The following NHS variants were observed in gnomAD, a reference collection of about 807,000 sequenced individuals.
NHS encodes NHS actin remodeling regulator.
In NHS, 5 loss-of-function variants were observed where a neutral mutation model predicts 72.5. The observed-to-expected ratio is 0.07, with a 90% CI of 0.04 to 0.14. The LOEUF (loss-of-function observed/expected upper bound fraction) is 0.14, where lower values mean the gene tolerates loss of function less well. Ranked by LOEUF, NHS falls within the 10% of genes least tolerant of loss-of-function variation. The probability of loss-of-function intolerance (pLI) is 1.00; values close to 1 mark genes in which losing one functional copy is unlikely to be tolerated. For missense variants in NHS, 1,072 were observed against 1,355.7 expected, an observed-to-expected ratio of 0.79 and a Z score of 3.29; for synonymous variants, 464 against 547.7, an observed-to-expected ratio of 0.85 and a Z score of 2.13.
intron 1 of NHS, among the ~76,000 whole-genome samples, chrX:17,426,703 TC>T (rs2064659156): frequency 8.9e-6 from 1 of 112,122 alleles, no homozygotes; most frequent in Non-Finnish European, 1.9e-5. Flanking sequence ...TCATTTTCTT[TC>T]TGGATCTTGG....
rs769574081 is a variant in NHS, at chrX:17,527,805, C to T, written c.565+151483C>T. 7.2e-5 allele frequency among the ~76,000 whole-genome samples: 8 copies of T among 111,088 alleles called. No homozygotes were observed. In the East Asian group the frequency reaches 2.0e-3, roughly 28 times the overall value. ...ATAAGATATCTGGTAAACTACAAGCCGCTCCCTTTTTAAATAGGCTTCACT... is the reference window on the plus strand; with the variant it reads ...ATAAGATATCTGGTAAACTACAAGCTGCTCCCTTTTTAAATAGGCTTCACT... On this transcript the variant is annotated intron_variant, in intron 1 of 8. Coordinates refer to ENST00000676302, the MANE Select transcript of NHS (RefSeq NM_001291867.2).
chrX:17,566,404 T>C (rs1428958290), intron 1 of NHS, among the ~76,000 whole-genome samples: 1 of 111,897 alleles, frequency 8.9e-6, no homozygotes, highest in Non-Finnish European at 1.9e-5. Context: ...GAACTCACAA[T>C]TCTTTGTGAT....
In NHS at chrX:17,723,741, G is replaced by GTGTGTGTGTGTGTGTGTGTGTA. The variant is rs1569318233; in HGVS notation, c.1109-537_1109-536insATGTGTGTGTGTGTGTGTGTGT. Reference sequence around the variant, plus strand: ...CAGCAAAAGAGGTGTGTGTGTGTGTGTGTGTGTGTGTGTGTGTGTGTGTGT... The same window carrying GTGTGTGTGTGTGTGTGTGTGTA: ...CAGCAAAAGAGGTGTGTGTGTGTGTGTGTGTGTGTGTGTGTGTGTGTATGTGTGTGTGTGTGTGTGTGTGTGT... On this transcript the variant is annotated intron_variant, in intron 5 of 8. Coordinates refer to ENST00000676302, the MANE Select transcript of NHS (RefSeq NM_001291867.2). Among the ~76,000 whole-genome samples the GTGTGTGTGTGTGTGTGTGTGTA allele has an allele frequency of 5.6e-3, 512 of 91,954 alleles. 5 individuals carry two copies. The highest frequency in any genetic ancestry group is 0.023 in the African/African-American group (481 of 20,490). The allele number at this position is 91,954 out of a possible 115,157, so 79.9% of individuals were successfully genotyped here.
chrX:17,378,059 CGTGTGTGTGT>C (rs34807039), intron 1 of NHS, among the ~76,000 whole-genome samples: 4 of 101,036 alleles, frequency 4.0e-5, no homozygotes, highest in Non-Finnish European at 6.0e-5. Context: ...ATACATTTCC[CGTGTGTGTGT>C]GTGTGTGTGT....
intron 3 of NHS, among the ~76,000 whole-genome samples, chrX:17,694,868 C>G (rs1177997830): frequency 3.6e-5 from 4 of 112,052 alleles, no homozygotes; most frequent in African/African-American, 6.5e-5. Context: ...AGCACTACAA[C>G]TTTTTGGATG....
intron 1 of NHS, among the ~76,000 whole-genome samples, chrX:17,569,708 A>G (rs1049500273): frequency 4.7e-4 from 52 of 111,584 alleles, no homozygotes; most frequent in South Asian, 7.5e-4. Flanking sequence ...TTTTGTTGCC[A>G]TTGCTTTTGG....
rs746256598 is a variant in NHS at position 17,700,033 on chromosome X, G to A, written c.852+7565G>A. 2.7e-5 allele frequency among the ~76,000 whole-genome samples: 3 copies of A among 111,743 alleles called. No homozygotes were observed. The South Asian group carries it at 1.1e-3, about 42-fold the overall frequency. The stretch of plus-strand genomic sequence containing the variant: ...GATAAATACCTCTTAAAAACTGAGG[G>A]ATAAAGAAAAGAGCAAAACCTTGGA... On this transcript the variant is annotated intron_variant, in intron 3 of 8. Transcript: ENST00000676302.
chrX:17,664,246 A>T (rs759225996), intron 1 of NHS, among the ~76,000 whole-genome samples: 1 of 111,308 alleles, frequency 9.0e-6, no homozygotes, highest in South Asian at 3.8e-4. Context: ...TCTTTTGGGC[A>T]CGGTCAGAAC....
chrX:17,667,134 G>A (rs2066017529), intron 1 of NHS, among the ~76,000 whole-genome samples: 1 of 112,743 alleles, frequency 8.9e-6, no homozygotes, highest in African/African-American at 3.2e-5. Context: ...GATTACTTCT[G>A]CCAATAGAGC....
intron 1 of NHS, among the ~76,000 whole-genome samples, chrX:17,677,687 C>G (rs1325330942): frequency 1.8e-5 from 2 of 112,051 alleles, no homozygotes; most frequent in African/African-American, 6.5e-5. Flanking sequence ...TGTGTTATAA[C>G]TGGGAGCTAA....
chrX:17,538,651 C>T (rs1246662348), intron 1 of NHS, among the ~76,000 whole-genome samples: 1 of 111,668 alleles, frequency 9.0e-6, no homozygotes, highest in Non-Finnish European at 1.9e-5. Flanking sequence ...AGCAAGAAGC[C>T]ATGAACACGT....
chrX:17,489,578 C>T (rs1035789099), intron 1 of NHS, among the ~76,000 whole-genome samples: 6 of 112,129 alleles, frequency 5.4e-5, no homozygotes, highest in Admixed American at 1.9e-4. Context: ...AGCTCAGCCT[C>T]CTGGGTTCAC....
intron 3 of NHS, among the ~76,000 whole-genome samples, chrX:17,699,876 G>GA (rs1318215886): frequency 2.7e-5 from 3 of 111,486 alleles, no homozygotes; most frequent in Non-Finnish European, 5.7e-5. Context: ...GGAAAGAAAA[G>GA]AAAAAAGAAA....
chrX:17,617,081 G>T (rs2065751087), intron 1 of NHS, among the ~76,000 whole-genome samples: 1 of 112,384 alleles, frequency 8.9e-6, no homozygotes, highest in Non-Finnish European at 1.9e-5. Flanking sequence ...GGGGCCTACT[G>T]CTGGCTTCCC....
At position 17,418,826 on chromosome X, in the gene NHS, A is replaced by C. The variant is rs747881664; in HGVS notation, c.565+42504A>C. ...GGCACGAGAGAGTCAAAGAATGAAT[A>C]AGGAAAACTAAGGGACGGAGGAAAA... On this transcript the variant is annotated intron_variant, in intron 1 of 8. Coordinates refer to ENST00000676302, the MANE Select transcript of NHS (RefSeq NM_001291867.2). Among the ~76,000 whole-genome samples, 94 of 111,858 alleles carry C rather than the reference A, an allele frequency of 8.4e-4. No homozygotes were observed. In the South Asian group the frequency reaches 0.011, roughly 13 times the overall value.
chrX:17,383,025 C>A (rs1377458209), intron 1 of NHS, among the ~76,000 whole-genome samples: 1 of 112,141 alleles, frequency 8.9e-6, no homozygotes, highest in Non-Finnish European at 1.9e-5. Flanking sequence ...GCAGCATTTT[C>A]TCCACCATTT....
Position 17,461,723 on chromosome X carries a change from G to A in NHS, c.565+85401G>A, listed in dbSNP as rs950710851. Among the ~76,000 whole-genome samples, 21 of 112,966 alleles carry A rather than the reference G, an allele frequency of 1.9e-4. 1 individual carries two copies. The highest frequency in any genetic ancestry group is 3.2e-4 in the Non-Finnish European group (17 of 53,397). On this transcript the variant is annotated intron_variant, in intron 1 of 8. Transcript: ENST00000676302. ...TGGCTTACAATTCTGTGGGTCATCC[G>A]GGCAGTTTTTCTGCTCTGGACTGGT...
intron 1 of NHS, among the ~76,000 whole-genome samples, chrX:17,498,738 C>T (rs952324917): frequency 2.7e-5 from 3 of 110,971 alleles, no homozygotes; most frequent in Admixed American, 9.6e-5. Flanking sequence ...AGAGTTATTG[C>T]GGAGAAACAA....
At position 17,527,558 on chromosome X, in the gene NHS, C is replaced by G. The variant is rs748633773; in HGVS notation, c.565+151236C>G. On this transcript the variant is annotated intron_variant, in intron 1 of 8. Coordinates refer to ENST00000676302, the MANE Select transcript of NHS (RefSeq NM_001291867.2). ...CCCGCCCCTCCTTGCGTAAACCCCT[C>G]TGCAGTTAGCATCAACAAATCCCAA... Among the ~76,000 whole-genome samples the G allele has an allele frequency of 1.3e-4, 15 of 112,583 alleles. 1 individual carries two copies. The South Asian group carries it at 5.5e-3, about 42-fold the overall frequency.
Sources: gnomAD v4.1 joint callset for allele counts (sites outside exome capture counted in the v4.1 genomes callset) on GRCh38, gnomAD v4.1.1 for gene constraint, MANE v1.5 for transcripts, NCBI Gene and HGNC (gene_info 2026-07-23, HGNC 2026-07-21) for gene names.